The following GBP5 variants were observed in gnomAD, a reference collection of about 807,000 sequenced individuals.
GBP5 encodes guanylate binding protein 5, also known as guanylate-binding protein 5.
Under a neutral mutation model 58.2 loss-of-function variants are expected in GBP5, and 48 were observed. The observed-to-expected ratio is 0.83, with a 90% CI of 0.65 to 1.05. The LOEUF (loss-of-function observed/expected upper bound fraction) is 1.05. Ranked by LOEUF, GBP5 falls within the 50% of genes least tolerant of loss-of-function variation. The probability of loss-of-function intolerance (pLI) is 0.00; values close to 1 mark genes in which losing one functional copy is unlikely to be tolerated. For synonymous variants in GBP5, 248 were observed against 251.8 expected (o/e 0.98, Z 0.14); for missense variants, 714 against 686.8 (o/e 1.04, Z -0.44).
rs957249706 is a variant in GBP5 at position 89,258,779 on chromosome 1, C to CA, written c.*1924dup. Among the ~76,000 whole-genome samples the CA allele has an allele frequency of 7.9e-5, 12 of 151,490 alleles. No individual in the cohort carries two copies. The highest frequency in any genetic ancestry group is 3.4e-3 in the Middle Eastern group (1 of 294). On this transcript the variant is annotated 3_prime_UTR_variant, in exon 12 of 12. Coordinates refer to ENST00000370459, the MANE Select transcript of GBP5 (RefSeq NM_052942.5). ...TTGTGTAATGTTTCTATAATTTAAA[C>CA]AAAAAAAATTTTACTGGAGATATAC...
rs776938341 is a variant in GBP5, at chr1:89,269,384, G to C, written c.172C>G (p.Leu58Val). 16 of 1,613,958 alleles carry C rather than the reference G, an allele frequency of 9.9e-6. No homozygotes were observed. The highest frequency in any genetic ancestry group is 1.4e-5 in the Non-Finnish European group (16 of 1,179,966). Reference protein sequence around the residue: ...RTGKSYLMNKLAGKNKGFSVA... With the variant: ...RTGKSYLMNKVAGKNKGFSVA... ...CACTCACCCTTGTTCTTCCCAGCCA[G>C]CTTGTTCATCAGGTAGGATTTGCCA... The change falls in exon 3 of 12, where the codon CTG becomes GTG. Residue 58 changes from leucine (L) to valine (V), a missense_variant. Leu to Val is a conservative substitution (Grantham distance 32). Coordinates refer to ENST00000370459, the MANE Select transcript of GBP5 (RefSeq NM_052942.5).
rs777025930 is a variant in GBP5 at position 89,268,875 on chromosome 1, G to A, written c.191-19C>T. 1.9e-6 allele frequency: 3 copies of A among 1,608,400 alleles called. No homozygotes were observed. Among genetic ancestry groups the A allele is most frequent in the East Asian group, 2.2e-5 (1 of 44,818 alleles). On this transcript the variant is annotated intron_variant, in intron 3 of 11. Coordinates refer to ENST00000370459, the MANE Select transcript of GBP5 (RefSeq NM_052942.5). Reference sequence around the variant, plus strand: ...GAGAAGCCTGTCAGGGGGAGTGAGAGGTTGTAATAGAAGAGAAACTCTGGA... The same window carrying A: ...GAGAAGCCTGTCAGGGGGAGTGAGAAGTTGTAATAGAAGAGAAACTCTGGA...
At chr1:89,268,299 G>A (rs76474927) in intron 4 of GBP5, among the ~76,000 whole-genome samples, 9 of 152,178 alleles carry the variant, frequency 5.9e-5, no homozygotes, top group Non-Finnish European at 1.2e-4. Flanking sequence ...TTTTTAAGTA[G>A]TGAGTTGAAT....
intron 7 of GBP5, 94 bp from the exon 8 acceptor site, chr1:89,265,060 T>C: frequency 8.2e-7 from 1 of 1,218,574 alleles, no homozygotes; most frequent in Non-Finnish European, 1.2e-6. Flanking sequence ...ATAGTTGCAT[T>C]GCCTGAAATT....
At position 89,272,785 on chromosome 1, in the gene GBP5, A is replaced by C. The variant is rs1650513951; in HGVS notation, c.-461T>G. On this transcript the variant is annotated 5_prime_UTR_variant, in exon 1 of 12. Coordinates refer to ENST00000370459, the MANE Select transcript of GBP5 (RefSeq NM_052942.5). ...CAGCTCATAAAGGCAGTGTGGACCC[A>C]AAGAGTGAGCAGCAGCAAGATTTAT... The C allele has an allele frequency of 6.5e-6, 1 of 152,892 alleles. No homozygotes were observed. Among genetic ancestry groups the C allele is most frequent in the Non-Finnish European group, 1.5e-5 (1 of 68,566 alleles). 9.5% of individuals were successfully genotyped at this position (152,892 alleles called of 1,614,324 possible). A position where few individuals can be genotyped will look rare whatever the true frequency, so the allele number is the denominator to read the frequency against.
intron 2 of GBP5, 176 bp from the exon 3 acceptor site, chr1:89,269,750 A>T (rs192743934): frequency 4.2e-6 from 2 of 470,794 alleles, no homozygotes; most frequent in African/African-American, 1.9e-5. Context: ...TTTATTTTAA[A>T]ACAAAAGTAA....
Position 89,269,407 on chromosome 1 carries a change from C to T in GBP5, c.149G>A (p.Gly50Asp). Residue 50 changes from glycine (G) to aspartate (D), a missense_variant, in exon 3 of 12, where the codon GGC (glycine) becomes GAC (aspartate). By Grantham distance (94) the Gly-to-Asp change is moderately conservative (BLOSUM62 -1). Coordinates refer to ENST00000370459, the MANE Select transcript of GBP5 (RefSeq NM_052942.5). ...CAGCTTGTTCATCAGGTAGGATTTG[C>T]CAGTGCGATAGAGGCCCACAATCGC... ...VVAIVGLYRT[G>D]KSYLMNKLAG... 1.2e-6 allele frequency: 2 copies of T among 1,614,084 alleles called. No homozygotes were observed. Among genetic ancestry groups the T allele is most frequent in the Non-Finnish European group, 1.7e-6 (2 of 1,179,974 alleles).
chr1:89,260,093 CG>C lies in GBP5; in HGVS notation c.*610del. On this transcript the variant is annotated 3_prime_UTR_variant, in exon 12 of 12. Transcript: ENST00000370459. The stretch of plus-strand genomic sequence containing the variant: ...AGGTAATTTTTCCACAGAGGGTTGG[CG>C]GGGGTTGGAGGTGGGGTGGCGTTAT... 6.5e-6 allele frequency: 1 copy of C among 152,808 alleles called. No homozygotes were observed. The allele number at this position is 152,808 out of a possible 1,614,324, so 9.5% of individuals were successfully genotyped here.
intron 11 of GBP5, among the ~76,000 whole-genome samples, 163 bp from the exon 12 acceptor site, chr1:89,260,980 T>C (rs554005353): frequency 6.6e-6 from 1 of 152,330 alleles, no homozygotes; most frequent in East Asian, 1.9e-4. Context: ...TCACCCTCCT[T>C]GTCTTTCTCT....
chr1:89,258,111 G>GT lies in GBP5; in HGVS notation c.*2592dup, dbSNP rs1173291514. ...CAGATCTCTAACCTGTGAGATCAGA[G>GT]TATTTGGGGATGAGTGGGATCCAGG... On this transcript the variant is annotated 3_prime_UTR_variant, in exon 12 of 12. Transcript: ENST00000370459. Among the ~76,000 whole-genome samples, 1 of 152,196 alleles carries GT rather than the reference G, an allele frequency of 6.6e-6. No individual in the cohort carries two copies. The highest frequency in any genetic ancestry group is 1.5e-5 in the Non-Finnish European group (1 of 68,034).
chr1:89,262,423 T>C, intron 10 of GBP5, 22 bp from the exon 11 acceptor site: 2 of 1,601,612 alleles, frequency 1.2e-6, no homozygotes, highest in Non-Finnish European at 1.7e-6. Flanking sequence ...AAGATAATCT[T>C]CTCTAGGATT....
At chr1:89,272,347 G>C (rs1285203121) in intron 1 of GBP5, 105 bp downstream of exon 1, 1 of 152,238 alleles carries the variant, frequency 6.6e-6, no homozygotes, top group Non-Finnish European at 1.5e-5. Flanking sequence ...TCTTTACTGA[G>C]GTCTGATATA....
chr1:89,268,309 T>C lies in GBP5; in HGVS notation c.318+420A>G, dbSNP rs192814713. Among the ~76,000 whole-genome samples, 204 of 152,298 alleles carry C rather than the reference T, an allele frequency of 1.3e-3. 1 individual carries two copies. The highest frequency in any genetic ancestry group is 4.7e-3 in the African/African-American group (196 of 41,568). On this transcript the variant is annotated intron_variant, in intron 4 of 11. Transcript: ENST00000370459. ...TACTGTTTTTAAGTAGTGAGTTGAA[T>C]AAGAAAGACCAAAGAAAAAATAAAA...
At position 89,256,695 on chromosome 1, in the gene GBP5, C is replaced by A. The variant is rs144560351; in HGVS notation, c.*4009G>T. On this transcript the variant is annotated 3_prime_UTR_variant, in exon 12 of 12. Transcript: ENST00000370459. ...TCTACAGGTTTATGAAGAACATAACCTTGATTTCTTCAAATGCATTTTCAT... is the reference window on the plus strand; with the variant it reads ...TCTACAGGTTTATGAAGAACATAACATTGATTTCTTCAAATGCATTTTCAT... 2.6e-4 allele frequency among the ~76,000 whole-genome samples: 39 copies of A among 152,264 alleles called. No homozygotes were observed. Among genetic ancestry groups the A allele is most frequent in the African/African-American group, 9.4e-4 (39 of 41,548 alleles).
chr1:89,266,930 T>C, intron 6 of GBP5, 27 bp downstream of exon 6: 1 of 1,508,882 alleles, frequency 6.6e-7, no homozygotes, highest in Middle Eastern at 1.7e-4. Context: ...TTTTTAAAAA[T>C]CTTTCTAAAA....
In GBP5 at chr1:89,272,681, G is replaced by A. The variant is rs568521303; in HGVS notation, c.-357C>T. On this transcript the variant is annotated 5_prime_UTR_variant, in exon 1 of 12. Transcript: ENST00000370459. ...TACAGCTCTTAAGGCTGCGCGTCTGGAGTTGTTTGTTCCTCCTGGTGGGTT... is the reference window on the plus strand; with the variant it reads ...TACAGCTCTTAAGGCTGCGCGTCTGAAGTTGTTTGTTCCTCCTGGTGGGTT... 6.5e-6 allele frequency: 1 copy of A among 154,694 alleles called. No individual in the cohort carries two copies. The highest frequency in any genetic ancestry group is 1.4e-5 in the Non-Finnish European group (1 of 70,184). 9.6% of individuals were successfully genotyped at this position (154,694 alleles called of 1,614,324 possible).
chr1:89,263,966 C>T lies in GBP5; in HGVS notation c.1150-18G>A, dbSNP rs768272179. 10 of 1,457,404 alleles carry T rather than the reference C, an allele frequency of 6.9e-6. No homozygotes were observed. In the African/African-American group the frequency reaches 8.5e-5, roughly 12 times the overall value. The allele number at this position is 1,457,404 out of a possible 1,614,324, so 90.3% of individuals were successfully genotyped here. A position where few individuals can be genotyped will look rare whatever the true frequency, so the allele number is the denominator to read the frequency against. ...AGTAGAGTCTTCAAAGAGACAAAAA[C>T]CCATGGAAAAGATGTTAGCAATACT... On this transcript the variant is annotated intron_variant, in intron 8 of 11. Transcript: ENST00000370459.
At chr1:89,261,677 T>C (rs1360097533) in intron 11 of GBP5, among the ~76,000 whole-genome samples, 2 of 152,184 alleles carry the variant, frequency 1.3e-5, no homozygotes, top group African/African-American at 4.8e-5. Flanking sequence ...GCTTGGTAAC[T>C]ACTGACAGTG....
In GBP5 at chr1:89,258,423, AT is replaced by A. The variant is rs910331174; in HGVS notation, c.*2280del. On this transcript the variant is annotated 3_prime_UTR_variant, in exon 12 of 12. Transcript: ENST00000370459. ...AACATTTCCTTGGATGATAAAATGT[AT>A]TTTTTTCTTTATAAATTGCACAGCT... 1.3e-5 allele frequency among the ~76,000 whole-genome samples: 2 copies of A among 152,256 alleles called. No individual in the cohort carries two copies. Among genetic ancestry groups the A allele is most frequent in the South Asian group, 2.1e-4 (1 of 4,826 alleles).
Sources: gnomAD v4.1 joint callset for allele counts (sites outside exome capture counted in the v4.1 genomes callset) on GRCh38, gnomAD v4.1.1 for gene constraint, MANE v1.5 for transcripts, NCBI Gene and HGNC (gene_info 2026-07-23, HGNC 2026-07-21) for gene names.